CCDC69: variants seen among roughly 807,000 people sequenced by gnomAD.
The protein encoded by CCDC69 is coiled-coil domain containing 69, also known as coiled-coil domain-containing protein 69.
A neutral mutation model predicts 40.3 loss-of-function variants in CCDC69; 38 were observed. That is an observed-to-expected ratio of 0.94 (90% CI 0.73 to 1.24). CCDC69 has a LOEUF of 1.24. Among genes scored for constraint, CCDC69 ranks in the 50% most tolerant of loss-of-function variants. The probability of loss-of-function intolerance (pLI) is 0.00; values close to 1 mark genes in which losing one functional copy is unlikely to be tolerated. For synonymous variants in CCDC69, 141 were observed against 138.9 expected (o/e 1.02, Z -0.11); for missense variants, 389 against 357.9 (o/e 1.09, Z -0.70).
At chr5:151,185,360 A>G (rs1752479931) in intron 7 of CCDC69, 62 bp downstream of exon 7, 1 of 1,592,880 alleles carries the variant, frequency 6.3e-7, no homozygotes, top group African/African-American at 1.3e-5. Context: ...ATGCTTTACA[A>G]AGGAAACACC....
At chr5:151,211,714 G>A (rs967239493) in intron 1 of CCDC69, among the ~76,000 whole-genome samples, 5 of 151,842 alleles carry the variant, frequency 3.3e-5, no homozygotes, top group Non-Finnish European at 5.9e-5. Flanking sequence ...AGTAGAGACG[G>A]GGTTTCACCA....
chr5:151,200,266 G>A (rs1752758958), intron 3 of CCDC69, among the ~76,000 whole-genome samples: 1 of 151,970 alleles, frequency 6.6e-6, no homozygotes, highest in Non-Finnish European at 1.5e-5. Flanking sequence ...AGCTTCCCAA[G>A]TAGCTGGGAT....
chr5:151,202,596 C>T (rs1047383651), intron 2 of CCDC69, among the ~76,000 whole-genome samples: 7 of 152,166 alleles, frequency 4.6e-5, no homozygotes, highest in Non-Finnish European at 7.3e-5. Context: ...AAAATGTATA[C>T]AAAGGGCCAC....
Position 151,186,752 on chromosome 5 carries a change from C to T in CCDC69, c.394-628G>A, listed in dbSNP as rs75397466. The stretch of plus-strand genomic sequence containing the variant: ...TGCCAAGAACTTTCTCTACTTGAAC[C>T]GTGACCACTACCGTTAGGCTAGAGC... On this transcript the variant is annotated intron_variant, in intron 5 of 8. Transcript: ENST00000355417. 3.5e-3 allele frequency among the ~76,000 whole-genome samples: 534 copies of T among 152,228 alleles called. 4 individuals carry two copies. Among genetic ancestry groups the T allele is most frequent in the African/African-American group, 0.012 (513 of 41,526 alleles).
chr5:151,185,898 C>T, intron 6 of CCDC69, 125 bp downstream of exon 6: 1 of 703,898 alleles, frequency 1.4e-6, no homozygotes. Context: ...ATTTCCAGGC[C>T]CTTGTGTAGG....
At chr5:151,221,990 G>A (rs1213031685) in intron 1 of CCDC69, among the ~76,000 whole-genome samples, 1 of 152,258 alleles carries the variant, frequency 6.6e-6, no homozygotes, top group East Asian at 1.9e-4. Context: ...GCAGGGGCCT[G>A]GCATGGCTGG....
intron 4 of CCDC69, among the ~76,000 whole-genome samples, chr5:151,192,804 C>T (rs899185433): frequency 6.6e-6 from 1 of 152,242 alleles, no homozygotes; most frequent in South Asian, 2.1e-4. Context: ...AGTAATATAA[C>T]ACAACCAAGT....
At chr5:151,223,883 C>A (rs248461) in intron 1 of CCDC69, 40 bp downstream of exon 1, 2 of 1,584,600 alleles carry the variant, frequency 1.3e-6, no homozygotes, top group East Asian at 2.5e-5. Context: ...CCGCACTCCC[C>A]TCTCCTCTGA....
intron 4 of CCDC69, among the ~76,000 whole-genome samples, chr5:151,189,551 A>G (rs1561598532): frequency 6.6e-6 from 1 of 152,070 alleles, no homozygotes; most frequent in African/African-American, 2.4e-5. Flanking sequence ...GAATTAGAGG[A>G]AAAAGGGTGC....
rs1753179036 is a variant in CCDC69, at chr5:151,224,039, C to A, written c.-69G>T. ...CCCCAGAGGAGCCTGCGATCCGGGC[C>A]CCGCTGCCCGCTCCGCGCCCGCCGG... On this transcript the variant is annotated 5_prime_UTR_variant, in exon 1 of 9. Coordinates refer to ENST00000355417, the MANE Select transcript of CCDC69 (RefSeq NM_015621.3). 24 of 1,361,374 alleles carry A rather than the reference C, an allele frequency of 1.8e-5. No homozygotes were observed. The East Asian group carries it at 6.7e-4, about 38-fold the overall frequency. 84.3% of individuals were successfully genotyped at this position (1,361,374 alleles called of 1,614,324 possible). A position where few individuals can be genotyped will look rare whatever the true frequency, so the allele number is the denominator to read the frequency against.
intron 4 of CCDC69, among the ~76,000 whole-genome samples, chr5:151,188,932 T>C (rs11747597): frequency 0.17 from 26,594 of 152,108 alleles, 2,358 homozygotes; most frequent in East Asian, 0.22. Context: ...AGACCAGAAT[T>C]TGAAGTACCA....
intron 4 of CCDC69, among the ~76,000 whole-genome samples, chr5:151,196,596 C>T (rs1752703268): frequency 6.6e-6 from 1 of 152,158 alleles, no homozygotes; most frequent in African/African-American, 2.4e-5. Context: ...AGAGAAGATA[C>T]ACAAGTCACC....
At chr5:151,205,872 A>G (rs1398409132) in intron 1 of CCDC69, among the ~76,000 whole-genome samples, 2 of 152,058 alleles carry the variant, frequency 1.3e-5, no homozygotes, top group Non-Finnish European at 2.9e-5. Context: ...CCAACCCCCA[A>G]TTCGGAGATG....
chr5:151,203,003 G>A (rs1335279175), intron 2 of CCDC69, among the ~76,000 whole-genome samples: 1 of 152,100 alleles, frequency 6.6e-6, no homozygotes, highest in Non-Finnish European at 1.5e-5. Flanking sequence ...GTGCCTCAGA[G>A]GGATGACTCA....
In CCDC69 at chr5:151,223,959, T is replaced by A. The variant is rs942658210; in HGVS notation, c.12A>T (p.Arg4Ser). ...GTTTGCAGCTGCTCAGCCTGCTGTG[T>A]CTGCAGCCCATCCTCCTCCGGGGGC... is the stretch of plus-strand genomic sequence containing the variant. MGC[R>S]HSRLSSCKPP... Residue 4 changes from arginine to serine, a missense_variant, in exon 1 of 9, where the codon AGA (arginine) becomes AGT (serine). Transcript: ENST00000355417. 1.2e-5 allele frequency: 19 copies of A among 1,568,640 alleles called. No homozygotes were observed. The highest frequency in any genetic ancestry group is 1.6e-5 in the Non-Finnish European group (19 of 1,162,282).
At chr5:151,223,266 G>C (rs1037128404) in intron 1 of CCDC69, among the ~76,000 whole-genome samples, 1 of 152,200 alleles carries the variant, frequency 6.6e-6, no homozygotes, top group African/African-American at 2.4e-5. Context: ...AGGAAGGGAG[G>C]AGAGGGCCAC....
chr5:151,202,175 G>A (rs1235643980), intron 2 of CCDC69, among the ~76,000 whole-genome samples: 1 of 131,914 alleles, frequency 7.6e-6, no homozygotes, highest in Non-Finnish European at 1.6e-5. Flanking sequence ...AGGAAACATA[G>A]TGAGACCCTA....
chr5:151,188,748 T>C (rs1194820026), intron 4 of CCDC69, among the ~76,000 whole-genome samples: 1 of 152,146 alleles, frequency 6.6e-6, no homozygotes, highest in Non-Finnish European at 1.5e-5. Context: ...TTTTTAAAAT[T>C]ATTGGCCTAA....
intron 1 of CCDC69, among the ~76,000 whole-genome samples, chr5:151,218,271 GC>G (rs1290771127): frequency 2.6e-5 from 4 of 152,228 alleles, no homozygotes; most frequent in African/African-American, 9.6e-5. Flanking sequence ...CCTTTTCTCT[GC>G]CAAGGTGGGA....
Sources: allele counts gnomAD v4.1 joint callset (sites outside exome capture counted in the v4.1 genomes callset), GRCh38; gene constraint gnomAD v4.1.1; transcripts MANE v1.5; gene names NCBI Gene and HGNC (gene_info 2026-07-23, HGNC 2026-07-21).